JAKMIP1: variants seen among roughly 807,000 people sequenced by gnomAD.
The protein encoded by JAKMIP1 is janus kinase and microtubule interacting protein 1, also known as janus kinase and microtubule-interacting protein 1.
Under a neutral mutation model 113.0 loss-of-function variants are expected in JAKMIP1, and 33 were observed. That is an observed-to-expected ratio of 0.29 (90% confidence interval 0.22 to 0.39). JAKMIP1 has a LOEUF of 0.39. Ranked by LOEUF, JAKMIP1 falls within the 10% of genes least tolerant of loss-of-function variation. The pLI is 1.00. For missense variants in JAKMIP1, 813 were observed against 1,080.5 expected, an observed-to-expected ratio of 0.75 and a Z score of 3.47; for synonymous variants, 480 against 459.9, an observed-to-expected ratio of 1.04 and a Z score of -0.56.
intron 13 of JAKMIP1, among the ~76,000 whole-genome samples, chr4:6,052,953 G>A (rs559968235): frequency 3.9e-5 from 6 of 152,280 alleles, no homozygotes; most frequent in South Asian, 2.1e-4. Context: ...AGGTACACAC[G>A]GTCAGTTCTA....
At chr4:6,172,810 C>T (rs993209083) in intron 1 of JAKMIP1, among the ~76,000 whole-genome samples, 3 of 152,198 alleles carry the variant, frequency 2.0e-5, no homozygotes, top group African/African-American at 7.2e-5. Flanking sequence ...CACCCTGCCC[C>T]CGTGATCACA....
Position 6,048,758 on chromosome 4 carries a change from G to A in JAKMIP1, c.2028+99C>T, listed in dbSNP as rs563109037. 5.9e-5 allele frequency: 57 copies of A among 968,438 alleles called. No homozygotes were observed. The African/African-American group carries it at 6.9e-4, about 12-fold the overall frequency. 60.0% of individuals were successfully genotyped at this position (968,438 alleles called of 1,614,324 possible). A position where few individuals can be genotyped will look rare whatever the true frequency, so the allele number is the denominator to read the frequency against. ...CGTGCAGACGCAGACGGACTGGAACGCATGCTCCCACGCAAAGCAAGACGC... is the reference window on the plus strand; with the variant it reads ...CGTGCAGACGCAGACGGACTGGAACACATGCTCCCACGCAAAGCAAGACGC... On this transcript the variant is annotated intron_variant, in intron 16 of 20. Transcript: ENST00000409021.
intron 8 of JAKMIP1, among the ~76,000 whole-genome samples, chr4:6,073,746 A>G (rs1055251150): frequency 6.6e-6 from 1 of 152,236 alleles, no homozygotes; most frequent in Non-Finnish European, 1.5e-5. Flanking sequence ...GACTTGGCCA[A>G]TCCCATCCAG....
Position 6,116,140 on chromosome 4 carries a change from A to C in JAKMIP1, c.-147-3143T>G, listed in dbSNP as rs1236538541. Among the ~76,000 whole-genome samples, 1 of 152,016 alleles carries C rather than the reference A, an allele frequency of 6.6e-6. No individual in the cohort carries two copies. Among genetic ancestry groups the C allele is most frequent in the South Asian group, 2.1e-4 (1 of 4,816 alleles). On this transcript the variant is annotated intron_variant, in intron 1 of 20. Transcript: ENST00000409021. The surrounding 1 kb of genome is among the most constrained non-coding windows in gnomAD (Gnocchi z 5.1). ...GATGTCCAAAGTTCTGGGCCAAGTCAATCTCGGAGCTCAGGGTGGGCCCCA... is the reference window on the plus strand; with the variant it reads ...GATGTCCAAAGTTCTGGGCCAAGTCCATCTCGGAGCTCAGGGTGGGCCCCA...
intron 2 of JAKMIP1, among the ~76,000 whole-genome samples, chr4:6,109,324 A>G (rs6843549): frequency 1 from 151,119 of 151,820 alleles, 75,212 homozygotes; most frequent in Middle Eastern, 1. Context: ...TAGTAGAGAC[A>G]GAGTTTCACT....
intron 16 of JAKMIP1, among the ~76,000 whole-genome samples, chr4:6,048,583 A>G (rs1715277612): frequency 6.6e-6 from 1 of 152,268 alleles, no homozygotes; most frequent in Admixed American, 6.5e-5. Flanking sequence ...TTTAAAAACA[A>G]TGGACGCAGG....
chr4:6,167,681 A>G lies in JAKMIP1; in HGVS notation c.-148+32572T>C, dbSNP rs1469476445. On this transcript the variant is annotated intron_variant, in intron 1 of 20. Transcript: ENST00000409021. The surrounding 1 kb of genome is among the most constrained non-coding windows in gnomAD (Gnocchi z 5.3). ...TGGGCCGGGCACTGAGCTTAGAGTG[A>G]CACGTGTCAGCTCCCTCCACCCCAC... Among the ~76,000 whole-genome samples the G allele has an allele frequency of 6.6e-6, 1 of 152,194 alleles. No homozygotes were observed. Among genetic ancestry groups the G allele is most frequent in the East Asian group, 1.9e-4 (1 of 5,192 alleles).
intron 3 of JAKMIP1, among the ~76,000 whole-genome samples, chr4:6,095,442 G>A (rs184418349): frequency 1.3e-5 from 2 of 152,312 alleles, no homozygotes; most frequent in East Asian, 3.9e-4. Context: ...CATGATGTCA[G>A]GATCCAGAGG....
At chr4:6,098,704 G>C (rs1578227486) in intron 3 of JAKMIP1, among the ~76,000 whole-genome samples, 1 of 14,778 alleles carries the variant, frequency 6.8e-5, no homozygotes, top group Non-Finnish European at 1.8e-4. Context: ...AAGAAAGAAA[G>C]AAAGAAAGAA....
At chr4:6,034,500 T>C (rs989230518) in intron 19 of JAKMIP1, among the ~76,000 whole-genome samples, 2 of 152,166 alleles carry the variant, frequency 1.3e-5, no homozygotes, top group African/African-American at 4.8e-5. Context: ...CCCAGATATT[T>C]GGTCAAATAT....
intron 1 of JAKMIP1, among the ~76,000 whole-genome samples, chr4:6,170,285 A>G (rs2109019539): frequency 1.4e-5 from 2 of 143,708 alleles, no homozygotes; most frequent in East Asian, 4.3e-4. Context: ...CATCACCACC[A>G]CCATCACTGT....
chr4:6,045,812 G>A (rs543747381), intron 16 of JAKMIP1, among the ~76,000 whole-genome samples: 2 of 152,306 alleles, frequency 1.3e-5, no homozygotes, highest in South Asian at 4.1e-4. Flanking sequence ...GGAGGTTGCA[G>A]TAAGCTGAGA....
At position 6,116,054 on chromosome 4, in the gene JAKMIP1, G is replaced by T. The variant is rs1438475775; in HGVS notation, c.-147-3057C>A. Among the ~76,000 whole-genome samples the T allele has an allele frequency of 6.6e-6, 1 of 152,258 alleles. No homozygotes were observed. The highest frequency in any genetic ancestry group is 1.9e-4 in the East Asian group (1 of 5,166). ...AAGCCTGGTACTCTCAACACCCCAT[G>T]CCAGACACTGCCAGGCTGGGCCACA... is the stretch of plus-strand genomic sequence containing the variant. On this transcript the variant is annotated intron_variant, in intron 1 of 20. Transcript: ENST00000409021. This position sits in a 1 kb window ranked among gnomAD's most constrained non-coding sequence, Gnocchi z 5.1.
At chr4:6,102,095 A>AGTTGTGTAAGAT (rs1560187337) in intron 3 of JAKMIP1, among the ~76,000 whole-genome samples, 1 of 152,212 alleles carries the variant, frequency 6.6e-6, no homozygotes, top group Non-Finnish European at 1.5e-5. Flanking sequence ...GACATCTTAC[A>AGTTGTGTAAGAT]CAACTTTCCT....
rs1012553400 is a variant in JAKMIP1, at chr4:6,061,215, G to C, written c.1561-708C>G. On this transcript the variant is annotated intron_variant, in intron 10 of 20. Coordinates refer to ENST00000409021, the MANE Select transcript of JAKMIP1 (RefSeq NM_001099433.2). The surrounding 1 kb of genome is among the most constrained non-coding windows in gnomAD (Gnocchi z 5.3). ...CTTGATTTTTAAATGTTGGCAAGTA[G>C]ATGAAATTTAAAAAGCGAAACAAAA... Among the ~76,000 whole-genome samples the C allele has an allele frequency of 6.6e-6, 1 of 152,232 alleles. No individual in the cohort carries two copies. The highest frequency in any genetic ancestry group is 1.5e-5 in the Non-Finnish European group (1 of 68,048).
chr4:6,170,835 C>A (rs118200270), intron 1 of JAKMIP1, among the ~76,000 whole-genome samples: 42 of 83,460 alleles, frequency 5.0e-4, no homozygotes, highest in African/African-American at 1.3e-3. Context: ...AACCACCACA[C>A]CACCACCACC....
At chr4:6,130,868 TA>T (rs1245648217) in intron 1 of JAKMIP1, among the ~76,000 whole-genome samples, 2 of 150,416 alleles carry the variant, frequency 1.3e-5, no homozygotes, top group Admixed American at 6.6e-5. Flanking sequence ...AATAAATAAA[TA>T]AAAAAAACGA....
intron 8 of JAKMIP1, among the ~76,000 whole-genome samples, chr4:6,066,103 G>A (rs1457731264): frequency 6.6e-6 from 1 of 151,982 alleles, no homozygotes; most frequent in African/African-American, 2.4e-5. Context: ...CCAGAGCCCA[G>A]CCCAAGGCTC....
At position 6,093,184 on chromosome 4, in the gene JAKMIP1, A is replaced by G. The variant is rs1021366810; in HGVS notation, c.625-7555T>C. On this transcript the variant is annotated intron_variant, in intron 3 of 20. Transcript: ENST00000409021. This position sits in a 1 kb window ranked among gnomAD's most constrained non-coding sequence, Gnocchi z 4.6. The stretch of plus-strand genomic sequence containing the variant: ...ACTTCCTCTGTGAAATGACTCCTGC[A>G]TCTACCCACAGAAGTGATCACATCC... Among the ~76,000 whole-genome samples the G allele has an allele frequency of 3.9e-5, 6 of 152,170 alleles. No individual in the cohort carries two copies. The highest frequency in any genetic ancestry group is 7.3e-5 in the Non-Finnish European group (5 of 68,030).
Sources: gnomAD v4.1 joint callset for allele counts (sites outside exome capture counted in the v4.1 genomes callset) on GRCh38, gnomAD v4.1.1 for gene constraint, Gnocchi (gnomAD v3.1) non-coding constraint, MANE v1.5 for transcripts, NCBI Gene and HGNC (gene_info 2026-07-23, HGNC 2026-07-21) for gene names.